Variants in TMPRSS11F observed in about 807,000 individuals in gnomAD.
The protein encoded by TMPRSS11F is transmembrane serine protease 11F, also known as transmembrane protease serine 11F.
Under a neutral mutation model 60.2 loss-of-function variants are expected in TMPRSS11F, and 47 were observed. The ratio of observed to expected loss-of-function variants is 0.78; its 90% CI spans 0.62 to 1.00. The LOEUF (loss-of-function observed/expected upper bound fraction) is 1.00. Among genes scored for constraint, TMPRSS11F ranks in the 50% least tolerant of loss-of-function variants. The probability of loss-of-function intolerance (pLI) is 0.00; values close to 1 mark genes in which losing one functional copy is unlikely to be tolerated. For missense variants in TMPRSS11F, 519 were observed against 522.9 expected, an observed-to-expected ratio of 0.99 and a Z score of 0.07; for synonymous variants, 166 against 167.3, an observed-to-expected ratio of 0.99 and a Z score of 0.06.
At chr4:68,124,925 T>C (rs1724687468) in intron 1 of TMPRSS11F, among the ~76,000 whole-genome samples, 1 of 149,496 alleles carries the variant, frequency 6.7e-6, no homozygotes, top group African/African-American at 2.4e-5. Flanking sequence ...TAGTTTGACA[T>C]TCTAAGTATC....
chr4:68,108,995 A>G (rs1044213104), intron 1 of TMPRSS11F, among the ~76,000 whole-genome samples: 1 of 152,208 alleles, frequency 6.6e-6, no homozygotes, highest in Admixed American at 6.5e-5. Flanking sequence ...AATGTTGTCT[A>G]GCCTATTCTT....
intron 6 of TMPRSS11F, among the ~76,000 whole-genome samples, chr4:68,069,492 TACA>T (rs1403442299): frequency 6.6e-6 from 1 of 152,168 alleles, no homozygotes; most frequent in Non-Finnish European, 1.5e-5. Context: ...CTTAAAGTGT[TACA>T]ACATTTTTAA....
chr4:68,072,539 T>G (rs984712005), intron 4 of TMPRSS11F, 53 bp from the exon 5 acceptor site: 1 of 1,349,786 alleles, frequency 7.4e-7, no homozygotes, highest in Non-Finnish European at 9.8e-7. Flanking sequence ...ATTAATGACT[T>G]TAACTTATTA....
At chr4:68,082,600 C>T (rs768289182) in intron 3 of TMPRSS11F, among the ~76,000 whole-genome samples, 15 of 152,374 alleles carry the variant, frequency 9.8e-5, no homozygotes, top group South Asian at 8.3e-4. Context: ...GAGTGCTTTA[C>T]TGGTTTGCGA....
intron 3 of TMPRSS11F, chr4:68,077,451 T>C (rs888675394): frequency 2.0e-5 from 3 of 152,158 alleles, no homozygotes; most frequent in Non-Finnish European, 4.4e-5. Flanking sequence ...TTTGTAAATA[T>C]CTCCTCTGCA....
intron 3 of TMPRSS11F, among the ~76,000 whole-genome samples, chr4:68,074,476 A>T (rs1050692216): frequency 6.6e-6 from 1 of 152,232 alleles, no homozygotes; most frequent in African/African-American, 2.4e-5. Flanking sequence ...TGCTGCACTC[A>T]TCCCAAATAT....
intron 9 of TMPRSS11F, among the ~76,000 whole-genome samples, chr4:68,058,163 AGGGTG>A (rs1293872981): frequency 6.6e-6 from 1 of 152,198 alleles, no homozygotes; most frequent in Non-Finnish European, 1.5e-5. Flanking sequence ...ACTGCAAAGC[AGGGTG>A]ACTATAATCA....
chr4:68,107,662 G>C (rs1724330148), intron 1 of TMPRSS11F, among the ~76,000 whole-genome samples: 1 of 152,120 alleles, frequency 6.6e-6, no homozygotes, highest in Non-Finnish European at 1.5e-5. Context: ...TAATCCAGCA[G>C]GCCACAATAA....
At chr4:68,059,556 A>G in intron 8 of TMPRSS11F, 88 bp from the exon 9 acceptor site, 1 of 1,310,158 alleles carries the variant, frequency 7.6e-7, no homozygotes, top group Non-Finnish European at 1.0e-6. Flanking sequence ...AAATTGTAGC[A>G]AAAGCCAAAG....
intron 3 of TMPRSS11F, 142 bp from the exon 4 acceptor site, chr4:68,074,151 AG>A (rs1723538129): frequency 3.9e-6 from 2 of 509,018 alleles, no homozygotes; most frequent in African/African-American, 4.0e-5. Context: ...AAAATAAAAA[AG>A]ATTTTCAGCT....
At chr4:68,112,687 A>G (rs1560410397) in intron 1 of TMPRSS11F, among the ~76,000 whole-genome samples, 1 of 152,162 alleles carries the variant, frequency 6.6e-6, no homozygotes, top group Non-Finnish European at 1.5e-5. Flanking sequence ...GAGTATGAAT[A>G]GTACCTATTT....
chr4:68,068,029 A>G (rs1352139465), intron 7 of TMPRSS11F, among the ~76,000 whole-genome samples: 1 of 152,180 alleles, frequency 6.6e-6, no homozygotes, highest in African/African-American at 2.4e-5. Context: ...CAACCATGAA[A>G]GCCCAAACAG....
chr4:68,067,281 A>G (rs1203331756), intron 7 of TMPRSS11F, among the ~76,000 whole-genome samples: 10 of 152,174 alleles, frequency 6.6e-5, no homozygotes, highest in African/African-American at 1.7e-4. Context: ...TCCATTTTCT[A>G]TTGAATCATT....
chr4:68,068,488 TA>T (rs1723376770), intron 7 of TMPRSS11F, 129 bp downstream of exon 7: 1 of 691,036 alleles, frequency 1.4e-6, no homozygotes, highest in African/African-American at 1.8e-5. Context: ...ATAATCCATT[TA>T]GGGGACAGCT....
intron 1 of TMPRSS11F, among the ~76,000 whole-genome samples, chr4:68,115,068 G>T (rs1433911216): frequency 6.6e-6 from 1 of 150,828 alleles, no homozygotes; most frequent in South Asian, 2.1e-4. Flanking sequence ...AAAGTTTCCC[G>T]GCCGGGCGCA....
chr4:68,059,945 G>C (rs891665891), intron 8 of TMPRSS11F, among the ~76,000 whole-genome samples: 1 of 152,088 alleles, frequency 6.6e-6, no homozygotes, highest in African/African-American at 2.4e-5. Context: ...CTCACAGCAT[G>C]GGAAACAAAA....
chr4:68,061,998 A>G, intron 8 of TMPRSS11F: 1 of 453,226 alleles, frequency 2.2e-6, no homozygotes, highest in Non-Finnish European at 4.4e-6. Flanking sequence ...CAATGAAACT[A>G]AGTGCACAAA....
chr4:68,062,608 C>G, intron 8 of TMPRSS11F: 2 of 856,728 alleles, frequency 2.3e-6, no homozygotes, highest in Non-Finnish European at 4.0e-6. Context: ...TCATTTCAGT[C>G]CAGTGATTGA....
chr4:68,109,847 G>A (rs1272277679), intron 1 of TMPRSS11F, among the ~76,000 whole-genome samples: 1 of 152,136 alleles, frequency 6.6e-6, no homozygotes, highest in South Asian at 2.1e-4. Context: ...TGAAGTTGGT[G>A]AAGTGAATTC....
Sources: allele counts gnomAD v4.1 joint callset (sites outside exome capture counted in the v4.1 genomes callset), GRCh38; gene constraint gnomAD v4.1.1; transcripts MANE v1.5; gene names NCBI Gene and HGNC (gene_info 2026-07-23, HGNC 2026-07-21).